The following MDGA2 variants were observed in gnomAD, a reference collection of about 807,000 sequenced individuals.
MDGA2 encodes MAM domain-containing glycosylphosphatidylinositol anchor protein 2.
A neutral mutation model predicts 117.8 loss-of-function variants in MDGA2; 40 were observed. The ratio of observed to expected loss-of-function variants is 0.34; its 90% CI spans 0.26 to 0.44. MDGA2 has a LOEUF of 0.44. Among genes scored for constraint, MDGA2 ranks in the 20% least tolerant of loss-of-function variants. The pLI, the probability that MDGA2 is intolerant of heterozygous loss-of-function variation, is 1.00. For missense variants in MDGA2, 1,123 were observed against 1,250.6 expected, an observed-to-expected ratio of 0.90 and a Z score of 1.54; for synonymous variants, 452 against 439.0, an observed-to-expected ratio of 1.03 and a Z score of -0.37.
chr14:47,109,020 G>T (rs1880892407), intron 5 of MDGA2, among the ~76,000 whole-genome samples: 1 of 152,126 alleles, frequency 6.6e-6, no homozygotes, highest in Admixed American at 6.5e-5. Flanking sequence ...TTTCCAACAG[G>T]TGAGGTCCTG....
chr14:47,399,281 G>A (rs1892082422), intron 1 of MDGA2, among the ~76,000 whole-genome samples: 1 of 152,146 alleles, frequency 6.6e-6, no homozygotes, highest in South Asian at 2.1e-4. Flanking sequence ...GACGAGGAAG[G>A]GGTCTGACAT....
intron 8 of MDGA2, chr14:46,996,901 TA>T: frequency 2.9e-6 from 1 of 346,414 alleles, no homozygotes; most frequent in Non-Finnish European, 5.4e-6. Context: ...TGAGCAAATC[TA>T]ACAGCAAGGG....
chr14:47,640,242 T>C (rs1034643632), intron 1 of MDGA2, among the ~76,000 whole-genome samples: 1 of 152,194 alleles, frequency 6.6e-6, no homozygotes, highest in Admixed American at 6.5e-5. Flanking sequence ...TTGAGAATCA[T>C]TTCTGCTCCC....
At chr14:47,402,171 G>C (rs576484346) in intron 1 of MDGA2, among the ~76,000 whole-genome samples, 2 of 152,178 alleles carry the variant, frequency 1.3e-5, no homozygotes, top group African/African-American at 4.8e-5. Context: ...ATCTTTAAAA[G>C]GCATTAAAAG....
Position 46,840,794 on chromosome 14 carries a change from C to T in MDGA2, c.*1137G>A, listed in dbSNP as rs1009226125. The T allele has an allele frequency of 3.3e-5, 5 of 152,536 alleles. No individual in the cohort carries two copies. 9.4% of individuals were successfully genotyped at this position (152,536 alleles called of 1,614,324 possible). A position where few individuals can be genotyped will look rare whatever the true frequency, so the allele number is the denominator to read the frequency against. ...CTTCTGCACTAAGTATTCTTAATAACCTTTTGCTCTGGTTGACCCATTTAA... is the reference window on the plus strand; with the variant it reads ...CTTCTGCACTAAGTATTCTTAATAATCTTTTGCTCTGGTTGACCCATTTAA... On this transcript the variant is annotated 3_prime_UTR_variant, in exon 17 of 17. Transcript: ENST00000399232.
intron 12 of MDGA2, among the ~76,000 whole-genome samples, chr14:46,876,737 C>G (rs1341996505): frequency 2.6e-5 from 4 of 151,336 alleles, no homozygotes; most frequent in African/African-American, 4.8e-5. Context: ...AATCCTGATA[C>G]CCAGTGGTCC....
intron 3 of MDGA2, among the ~76,000 whole-genome samples, chr14:47,162,715 C>T (rs1055467551): frequency 6.6e-6 from 1 of 151,992 alleles, no homozygotes; most frequent in African/African-American, 2.4e-5. Context: ...CTATATCCTC[C>T]AAGTCTTTCT....
At chr14:47,600,940 C>T (rs1226262564) in intron 1 of MDGA2, among the ~76,000 whole-genome samples, 1 of 152,136 alleles carries the variant, frequency 6.6e-6, no homozygotes, top group Non-Finnish European at 1.5e-5. Flanking sequence ...GTTAATATAG[C>T]ACTTTCTTAC....
At chr14:47,055,843 G>C (rs1367057037) in intron 7 of MDGA2, among the ~76,000 whole-genome samples, 1 of 152,074 alleles carries the variant, frequency 6.6e-6, no homozygotes, top group Non-Finnish European at 1.5e-5. Context: ...AAACCATATG[G>C]CCTGAAAAGC....
intron 8 of MDGA2, among the ~76,000 whole-genome samples, chr14:46,972,253 G>C (rs879935816): frequency 1.3e-5 from 2 of 152,138 alleles, no homozygotes; most frequent in African/African-American, 4.8e-5. Context: ...TGGAGAATTG[G>C]AGAATTGATG....
intron 5 of MDGA2, among the ~76,000 whole-genome samples, chr14:47,098,983 A>C (rs1880145717): frequency 6.6e-6 from 1 of 151,956 alleles, no homozygotes; most frequent in Non-Finnish European, 1.5e-5. Context: ...CACTGTTCTA[A>C]CTATAATACA....
intron 1 of MDGA2, among the ~76,000 whole-genome samples, chr14:47,540,540 G>GTATATATA (rs1555330658): frequency 1.3e-5 from 1 of 79,182 alleles, no homozygotes; most frequent in African/African-American, 3.9e-5. Context: ...GTGTGTGTGT[G>GTATATATA]TATATATATA....
chr14:46,963,740 G>A (rs968596723), intron 8 of MDGA2, among the ~76,000 whole-genome samples: 1 of 151,900 alleles, frequency 6.6e-6, no homozygotes, highest in African/African-American at 2.4e-5. Flanking sequence ...TTCTGCATAT[G>A]TTCACTCTTT....
intron 5 of MDGA2, among the ~76,000 whole-genome samples, chr14:47,106,209 A>AT (rs1880664794): frequency 6.6e-6 from 1 of 152,086 alleles, no homozygotes; most frequent in Admixed American, 6.5e-5. Flanking sequence ...CTCAAAATAC[A>AT]TTTTATTACC....
chr14:47,657,836 A>G (rs1897772731), intron 1 of MDGA2, among the ~76,000 whole-genome samples: 2 of 152,150 alleles, frequency 1.3e-5, no homozygotes, highest in African/African-American at 4.8e-5. Flanking sequence ...TGGAGATGAT[A>G]CTCTTAAAGT....
At chr14:47,300,448 T>C (rs1280235288) in intron 2 of MDGA2, among the ~76,000 whole-genome samples, 2 of 152,022 alleles carry the variant, frequency 1.3e-5, no homozygotes, top group African/African-American at 2.4e-5. Flanking sequence ...ATCTTCTATA[T>C]AACTGTTTCT....
chr14:47,034,927 A>G (rs1381274657), intron 8 of MDGA2, 84 bp downstream of exon 8: 2 of 1,256,632 alleles, frequency 1.6e-6, no homozygotes, highest in Non-Finnish European at 2.2e-6. Flanking sequence ...TAGTTACAAA[A>G]ATCACCTCAT....
intron 9 of MDGA2, among the ~76,000 whole-genome samples, chr14:46,947,064 T>C (rs1885195478): frequency 6.6e-6 from 1 of 152,132 alleles, no homozygotes; most frequent in South Asian, 2.1e-4. Context: ...TATTCCATTC[T>C]TTTCCCTCAG....
At chr14:47,665,815 C>T in intron 1 of MDGA2, among the ~76,000 whole-genome samples, 1 of 5,510 alleles carries the variant, frequency 1.8e-4, no homozygotes, top group African/African-American at 6.2e-4. Flanking sequence ...CGCCCCCCCT[C>T]CCCCCCGCCC....
Sources: allele counts gnomAD v4.1 joint callset (sites outside exome capture counted in the v4.1 genomes callset), GRCh38; gene constraint gnomAD v4.1.1; transcripts MANE v1.5; gene names NCBI Gene and HGNC (gene_info 2026-07-23, HGNC 2026-07-21).